The following TOM1L2 variants were observed in gnomAD, a reference collection of about 807,000 sequenced individuals.
TOM1L2 encodes the protein target of myb1 like 2 membrane trafficking protein.
In TOM1L2, 31 loss-of-function variants were observed where a neutral mutation model predicts 67.9. The ratio of observed to expected loss-of-function variants is 0.46; its 90% CI spans 0.34 to 0.62. TOM1L2 has a LOEUF of 0.62. TOM1L2 is among the 20% of genes least tolerant of loss of function. The pLI is 0.01. For missense variants in TOM1L2, 606 were observed against 663.5 expected (o/e 0.91, Z 0.95); for synonymous variants, 256 against 254.0 (o/e 1.01, Z -0.07).
intron 2 of TOM1L2, among the ~76,000 whole-genome samples, chr17:17,903,945 C>A (rs557985430): frequency 5.3e-4 from 80 of 152,042 alleles, no homozygotes; most frequent in African/African-American, 1.9e-3. Flanking sequence ...GGTGGGGTGC[C>A]CTACTGTCAG....
Position 17,943,712 on chromosome 17 carries a change from T to C in TOM1L2, c.52+28550A>G, listed in dbSNP as rs569314407. ...ACCAAACAGAAAATCTGATCTCATC[T>C]TCCCCCTAAGTATTAAAAACCTCCC... On this transcript the variant is annotated intron_variant, in intron 1 of 14. Coordinates refer to ENST00000379504, the MANE Select transcript of TOM1L2 (RefSeq NM_001082968.2). Among the ~76,000 whole-genome samples, 4 of 152,260 alleles carry C rather than the reference T, an allele frequency of 2.6e-5. No individual in the cohort carries two copies. In the South Asian group the frequency reaches 6.2e-4, roughly 24 times the overall value.
intron 12 of TOM1L2, 66 bp from the exon 13 acceptor site, chr17:17,851,018 G>C: frequency 6.4e-7 from 1 of 1,563,980 alleles, no homozygotes; most frequent in Non-Finnish European, 8.8e-7. Context: ...ACAGAACACC[G>C]GAACAAAGGA....
chr17:17,913,228 C>T (rs28689792), intron 1 of TOM1L2, among the ~76,000 whole-genome samples: 1 of 146,906 alleles, frequency 6.8e-6, no homozygotes, highest in African/African-American at 2.5e-5. Flanking sequence ...AGAGGGAGAC[C>T]GTGGGGAGAC....
intron 1 of TOM1L2, among the ~76,000 whole-genome samples, chr17:17,907,911 G>A (rs2039169627): frequency 6.6e-6 from 1 of 152,154 alleles, no homozygotes; most frequent in Admixed American, 6.5e-5. Context: ...TTAACTTCTA[G>A]GTGCCAAAGC....
chr17:17,856,697 A>C (rs1727241315), intron 12 of TOM1L2, among the ~76,000 whole-genome samples: 1 of 152,174 alleles, frequency 6.6e-6, no homozygotes, highest in African/African-American at 2.4e-5. Context: ...CCTTCTCTGC[A>C]TTCTCTCCAG....
intron 1 of TOM1L2, among the ~76,000 whole-genome samples, chr17:17,964,551 T>C (rs557746010): frequency 6.6e-6 from 1 of 152,346 alleles, no homozygotes; most frequent in Non-Finnish European, 1.5e-5. Context: ...CTTTGCATTT[T>C]TTCTATATCT....
chr17:17,859,346 A>T (rs2036427790), intron 12 of TOM1L2: 1 of 152,174 alleles, frequency 6.6e-6, no homozygotes, highest in Non-Finnish European at 1.5e-5. Context: ...AAGTGCTGAG[A>T]TTACAGGCAT....
chr17:17,916,703 T>C (rs1034903343), intron 1 of TOM1L2, among the ~76,000 whole-genome samples: 9 of 152,176 alleles, frequency 5.9e-5, no homozygotes, highest in African/African-American at 2.2e-4. Context: ...TCAGGAAGTG[T>C]GAGTCCTCCA....
At chr17:17,923,985 A>G (rs1279561924) in intron 1 of TOM1L2, among the ~76,000 whole-genome samples, 3 of 151,902 alleles carry the variant, frequency 2.0e-5, no homozygotes, top group Non-Finnish European at 4.4e-5. Context: ...AAAAAATACA[A>G]AAATTAGCCA....
At chr17:17,876,190 G>T (rs951226755) in intron 7 of TOM1L2, among the ~76,000 whole-genome samples, 6 of 152,226 alleles carry the variant, frequency 3.9e-5, no homozygotes, top group Non-Finnish European at 8.8e-5. Context: ...CTTTCTGCAG[G>T]TAAGGGCATG....
intron 1 of TOM1L2, among the ~76,000 whole-genome samples, chr17:17,937,398 C>A (rs1221771875): frequency 6.6e-6 from 1 of 152,236 alleles, no homozygotes; most frequent in African/African-American, 2.4e-5. Context: ...CAGCCATGAT[C>A]AATGCCTCAC....
chr17:17,927,663 CTTTT>C (rs1191502051), intron 1 of TOM1L2, among the ~76,000 whole-genome samples: 28 of 139,334 alleles, frequency 2.0e-4, no homozygotes, highest in Non-Finnish European at 1.4e-4. Context: ...GTTGGCTATA[CTTTT>C]TTTTTTTTTT....
chr17:17,960,133 T>C (rs2041624209), intron 1 of TOM1L2, among the ~76,000 whole-genome samples: 1 of 152,248 alleles, frequency 6.6e-6, no homozygotes, highest in Admixed American at 6.5e-5. Flanking sequence ...TAATTTACAA[T>C]ACTAGTGTAG....
chr17:17,867,990 C>G (rs1446218633), intron 8 of TOM1L2, among the ~76,000 whole-genome samples: 1 of 152,228 alleles, frequency 6.6e-6, no homozygotes, highest in Middle Eastern at 3.4e-3. Flanking sequence ...GCCACCAGCC[C>G]CAGGCTTTGC....
At chr17:17,962,190 A>G (rs192088174) in intron 1 of TOM1L2, among the ~76,000 whole-genome samples, 3 of 151,980 alleles carry the variant, frequency 2.0e-5, no homozygotes, top group Admixed American at 2.0e-4. Flanking sequence ...TGAGGTTCCT[A>G]GAGTAGTCAA....
chr17:17,928,778 T>C (rs1202578897), intron 1 of TOM1L2, among the ~76,000 whole-genome samples: 1 of 152,178 alleles, frequency 6.6e-6, no homozygotes, highest in Non-Finnish European at 1.5e-5. Flanking sequence ...CATAAATAGC[T>C]GCTGTCTGTG....
At position 17,861,513 on chromosome 17, in the gene TOM1L2, G is replaced by T; in HGVS notation, c.1241C>A (p.Ala414Asp). ...CTGTTTTCGATTGTCTAGTGCAGAA[G>T]CAAGTCCTCCGACAGCCTGAGGATC... is the stretch of plus-strand genomic sequence containing the variant. Reference protein sequence around the residue: ...YEDPQAVGGLASALDNRKQSS... With the variant: ...YEDPQAVGGLDSALDNRKQSS... The change falls in exon 12 of 15, where the codon GCT (alanine) becomes GAT (aspartate). Residue 414 changes from alanine (A) to aspartate (D), a missense_variant. Ala to Asp is a moderately radical substitution (Grantham distance 126). This residue lies in a region of TOM1L2 where 543 missense variants were observed against 554.0 expected (regional missense o/e 0.98). Transcript: ENST00000379504. 1 of 1,614,150 alleles carries T rather than the reference G, an allele frequency of 6.2e-7. No individual in the cohort carries two copies. Among genetic ancestry groups the T allele is most frequent in the Non-Finnish European group, 8.5e-7 (1 of 1,180,012 alleles).
intron 2 of TOM1L2, among the ~76,000 whole-genome samples, chr17:17,899,599 G>C (rs1014552630): frequency 2.0e-5 from 3 of 152,190 alleles, no homozygotes; most frequent in Non-Finnish European, 4.4e-5. Flanking sequence ...TTCTAACTCA[G>C]GATTCAACAA....
At position 17,869,329 on chromosome 17, in the gene TOM1L2, C is replaced by A; in HGVS notation, c.911+11G>T. The A allele has an allele frequency of 1.3e-6, 2 of 1,596,366 alleles. No homozygotes were observed. Among genetic ancestry groups the A allele is most frequent in the South Asian group, 2.2e-5 (2 of 90,402 alleles). ...AAGGGAAAAAAAAAAAAAAAGAAAT[C>A]CGGCTCCCACCTCTCGTATCGAAGG... On this transcript the variant is annotated intron_variant, in intron 8 of 14. Transcript: ENST00000379504.
Sources: gnomAD v4.1 joint callset for allele counts (sites outside exome capture counted in the v4.1 genomes callset) on GRCh38, gnomAD v4.1.1 for gene constraint, gnomAD v4.1.1 regional missense constraint, MANE v1.5 for transcripts, NCBI Gene and HGNC (gene_info 2026-07-23, HGNC 2026-07-21) for gene names.